PHEX: variants seen among roughly 807,000 people sequenced by gnomAD.
The protein encoded by PHEX is phosphate regulating endopeptidase X-linked.
PHEX carries 16 observed loss-of-function variants against 68.0 expected under a neutral mutation model. The observed-to-expected ratio is 0.24, with a 90% CI of 0.16 to 0.36. The LOEUF (loss-of-function observed/expected upper bound fraction) is 0.36. Ranked by LOEUF, PHEX falls within the 10% of genes least tolerant of loss-of-function variation. The pLI is 1.00. For missense variants in PHEX, 480 were observed against 575.5 expected, an observed-to-expected ratio of 0.83 and a Z score of 1.70; for synonymous variants, 208 against 205.1, an observed-to-expected ratio of 1.01 and a Z score of -0.12.
chrX:22,049,785 A>C (rs369355469), intron 3 of PHEX, among the ~76,000 whole-genome samples: 18 of 110,785 alleles, frequency 1.6e-4, no homozygotes, highest in African/African-American at 5.9e-4. Flanking sequence ...AATCACTTGA[A>C]CCAGGAGGGA....
At chrX:22,116,555 C>T (rs5951699) in intron 11 of PHEX, among the ~76,000 whole-genome samples, 36,095 of 110,317 alleles carry the variant, frequency 0.33, 5,180 homozygotes, top group African/African-American at 0.57. Context: ...ATTGGTATCA[C>T]GTAGTGATAC....
chrX:22,169,865 T>C (rs1465712020), intron 13 of PHEX: 1 of 112,796 alleles, frequency 8.9e-6, no homozygotes, highest in Non-Finnish European at 1.9e-5. Context: ...ACTGGAAATA[T>C]AATAACCAAG....
chrX:22,106,509 G>A (rs777041969), intron 9 of PHEX, among the ~76,000 whole-genome samples: 4 of 111,629 alleles, frequency 3.6e-5, no homozygotes, highest in African/African-American at 6.5e-5. Context: ...GGTGGCTCAC[G>A]CCTGTAATCC....
chrX:22,222,811 A>G (rs889824981), intron 18 of PHEX, among the ~76,000 whole-genome samples: 7 of 111,949 alleles, frequency 6.3e-5, no homozygotes, highest in African/African-American at 2.3e-4. Context: ...TACTAAGTGT[A>G]CAGGTTTTAC....
At chrX:22,148,912 A>G (rs914115975) in intron 12 of PHEX, among the ~76,000 whole-genome samples, 1 of 111,695 alleles carries the variant, frequency 9.0e-6, no homozygotes, top group African/African-American at 3.3e-5. Flanking sequence ...GTGATGGGGA[A>G]AGGATTCAGC....
chrX:22,160,184 G>C (rs1933072000), intron 12 of PHEX, among the ~76,000 whole-genome samples: 1 of 111,556 alleles, frequency 9.0e-6, no homozygotes, highest in South Asian at 3.8e-4. Flanking sequence ...TGGCTGGGGA[G>C]GCCTCACAAT....
At chrX:22,163,282 G>A (rs1321512961) in intron 12 of PHEX, 1 of 112,068 alleles carries the variant, frequency 8.9e-6, no homozygotes, top group Non-Finnish European at 1.9e-5. Context: ...GCTGACTCCA[G>A]TTGGAAAGGA....
At chrX:22,210,767 A>G (rs1026277136) in intron 15 of PHEX, among the ~76,000 whole-genome samples, 2 of 111,434 alleles carry the variant, frequency 1.8e-5, no homozygotes, top group African/African-American at 6.5e-5. Context: ...GAGAACTAGT[A>G]GCTGGATCCA....
At chrX:22,138,359 CCA>C (rs1932318681) in intron 12 of PHEX, among the ~76,000 whole-genome samples, 1 of 112,739 alleles carries the variant, frequency 8.9e-6, no homozygotes, top group African/African-American at 3.2e-5. Flanking sequence ...AGATGAGCAG[CCA>C]CAGTCCCTTT....
At chrX:22,236,037 A>AACTC (rs1383419014) in intron 20 of PHEX, among the ~76,000 whole-genome samples, 1 of 111,458 alleles carries the variant, frequency 9.0e-6, no homozygotes, top group African/African-American at 3.3e-5. Context: ...GGTGAGAAAA[A>AACTC]ACTCAGCCTT....
At chrX:22,170,493 A>G (rs750898394) in intron 13 of PHEX, among the ~76,000 whole-genome samples, 1 of 111,499 alleles carries the variant, frequency 9.0e-6, no homozygotes. Flanking sequence ...CCTCCCATAT[A>G]GGATTTCTGG....
chrX:22,175,348 G>T (rs866076686), intron 13 of PHEX, among the ~76,000 whole-genome samples: 12 of 91,722 alleles, frequency 1.3e-4, no homozygotes, highest in Non-Finnish European at 9.3e-5. Flanking sequence ...TCTTTACAAC[G>T]TTTTTTTTTT....
intron 20 of PHEX, among the ~76,000 whole-genome samples, chrX:22,231,300 A>AGGATTCCC (rs1399325076): frequency 8.9e-6 from 1 of 111,765 alleles, no homozygotes; most frequent in African/African-American, 3.3e-5. Context: ...TGAGTTAGGG[A>AGGATTCCC]GGATTCCCTC....
intron 15 of PHEX, among the ~76,000 whole-genome samples, chrX:22,203,120 GT>G (rs1163223790): frequency 9.0e-6 from 1 of 111,574 alleles, no homozygotes; most frequent in African/African-American, 3.3e-5. Flanking sequence ...GACCATCCCA[GT>G]TTTAGCACAG....
chrX:22,124,423 A>G (rs1290329418), intron 11 of PHEX, among the ~76,000 whole-genome samples: 2 of 111,957 alleles, frequency 1.8e-5, no homozygotes, highest in Non-Finnish European at 3.8e-5. Flanking sequence ...CCTTTGCCAC[A>G]TATTATCAGC....
intron 20 of PHEX, among the ~76,000 whole-genome samples, chrX:22,237,867 T>C (rs961479132): frequency 3.5e-5 from 4 of 112,682 alleles, no homozygotes; most frequent in Non-Finnish European, 5.6e-5. Context: ...CCTCAAGTCA[T>C]ATGGCAAGTC....
intron 3 of PHEX, among the ~76,000 whole-genome samples, chrX:22,066,053 G>A (rs1045754630): frequency 8.9e-6 from 1 of 112,338 alleles, no homozygotes; most frequent in African/African-American, 3.2e-5. Context: ...TGAGTTGGAA[G>A]GGAAGAGGCA....
At chrX:22,156,869 T>A (rs1375465853) in intron 12 of PHEX, among the ~76,000 whole-genome samples, 1 of 110,359 alleles carries the variant, frequency 9.1e-6, no homozygotes, top group Non-Finnish European at 1.9e-5. Context: ...TTTCTTTTCA[T>A]CTTTTTTTTT....
At chrX:22,100,644 A>T (rs901271602) in intron 9 of PHEX, among the ~76,000 whole-genome samples, 3 of 111,233 alleles carry the variant, frequency 2.7e-5, no homozygotes, top group African/African-American at 9.8e-5. Context: ...CAGGGGATAG[A>T]TTGGGATTTG....
Sources: allele counts gnomAD v4.1 joint callset (sites outside exome capture counted in the v4.1 genomes callset), GRCh38; gene constraint gnomAD v4.1.1; transcripts MANE v1.5; gene names NCBI Gene and HGNC (gene_info 2026-07-23, HGNC 2026-07-21).